The following ASCC3 variants were observed in gnomAD, a reference collection of about 807,000 sequenced individuals.
ASCC3 encodes ASC-1 complex subunit P200.
ASCC3 carries 158 observed loss-of-function variants against 256.3 expected under a neutral mutation model. The ratio of observed to expected loss-of-function variants is 0.62; its 90% confidence interval spans 0.54 to 0.70. The LOEUF (loss-of-function observed/expected upper bound fraction) is 0.70. ASCC3 is among the 30% of genes least tolerant of loss of function. ASCC3 has a pLI of 0.00. For missense variants in ASCC3, 2,259 were observed against 2,626.0 expected (o/e 0.86, Z 3.05); for synonymous variants, 948 against 883.4 (o/e 1.07, Z -1.30).
In ASCC3 at chr6:100,568,932, C is replaced by A. The variant is rs529633028; in HGVS notation, c.5550+20702G>T. On this transcript the variant is annotated intron_variant, in intron 36 of 41. Transcript: ENST00000369162. ...AACTGGGACTACGGGCACCCGCCAC[C>A]ATGCCCAGCTAATTTTTTTTGTGTT... Among the ~76,000 whole-genome samples, 5 of 151,954 alleles carry A rather than the reference C, an allele frequency of 3.3e-5. No individual in the cohort carries two copies. In the East Asian group the frequency reaches 9.7e-4, roughly 29 times the overall value.
intron 36 of ASCC3, among the ~76,000 whole-genome samples, chr6:100,564,176 A>G (rs1770110441): frequency 6.6e-6 from 1 of 151,846 alleles, no homozygotes; most frequent in Non-Finnish European, 1.5e-5. Flanking sequence ...ACGTGCATAC[A>G]ATGTAGAATG....
At chr6:100,782,401 T>G (rs987887599) in intron 8 of ASCC3, among the ~76,000 whole-genome samples, 29 of 152,172 alleles carry the variant, frequency 1.9e-4, no homozygotes, top group African/African-American at 7.0e-4. Flanking sequence ...AAAAAAAGTT[T>G]GAAATCCAAT....
At chr6:100,613,368 A>G (rs1773505409) in intron 30 of ASCC3, among the ~76,000 whole-genome samples, 1 of 151,964 alleles carries the variant, frequency 6.6e-6, no homozygotes, top group African/African-American at 2.4e-5. Flanking sequence ...TACATTTTTT[A>G]GCATCCACTT....
At chr6:100,738,878 A>T (rs1780300871) in intron 10 of ASCC3, among the ~76,000 whole-genome samples, 1 of 152,218 alleles carries the variant, frequency 6.6e-6, no homozygotes, top group Non-Finnish European at 1.5e-5. Flanking sequence ...GGATCATGTC[A>T]TGTGCAAACA....
Position 100,635,958 on chromosome 6 carries a change from T to A in ASCC3, c.4122+2643A>T, listed in dbSNP as rs117841802. Among the ~76,000 whole-genome samples, 844 of 152,282 alleles carry A rather than the reference T, an allele frequency of 5.5e-3. 9 individuals carry two copies. Among genetic ancestry groups the A allele is most frequent in the Non-Finnish European group, 8.4e-3 (569 of 68,002 alleles). On this transcript the variant is annotated intron_variant, in intron 25 of 41. Transcript: ENST00000369162. ...TGTTTAACTTTGCCTATGAAGTGGG[T>A]TTCTCACAGTGAAATTATCTATGAA...
chr6:100,855,259 G>A lies in ASCC3; in HGVS notation c.242-6552C>T, dbSNP rs141678646. On this transcript the variant is annotated intron_variant, in intron 3 of 41. Coordinates refer to ENST00000369162, the MANE Select transcript of ASCC3 (RefSeq NM_006828.4). ...CTCCCGAGTAGCTGGGACTACAGAC[G>A]TGCACTACCATGCCTGGCTAATTGT... 6.6e-3 allele frequency among the ~76,000 whole-genome samples: 1,004 copies of A among 152,110 alleles called. 6 individuals carry two copies. The highest frequency in any genetic ancestry group is 0.021 in the African/African-American group (889 of 41,510).
intron 10 of ASCC3, among the ~76,000 whole-genome samples, chr6:100,758,311 T>A (rs1045038832): frequency 6.6e-6 from 1 of 151,964 alleles, no homozygotes; most frequent in Admixed American, 6.5e-5. Flanking sequence ...TACACAGGTA[T>A]ATGTGTGCCA....
chr6:100,587,878 T>C (rs1249057786), intron 36 of ASCC3, among the ~76,000 whole-genome samples: 1 of 152,172 alleles, frequency 6.6e-6, no homozygotes, highest in Non-Finnish European at 1.5e-5. Flanking sequence ...TTAATTCCCC[T>C]GGGATTTTAA....
intron 8 of ASCC3, among the ~76,000 whole-genome samples, chr6:100,781,730 T>C (rs1359685678): frequency 6.6e-6 from 1 of 151,968 alleles, no homozygotes; most frequent in Non-Finnish European, 1.5e-5. Flanking sequence ...TTTCAAAACA[T>C]ACTTTTAATA....
At chr6:100,766,760 T>C in intron 9 of ASCC3, 55 bp from the exon 10 acceptor site, 1 of 1,603,530 alleles carries the variant, frequency 6.2e-7, no homozygotes, top group Admixed American at 1.7e-5. Flanking sequence ...ATGTCATTTG[T>C]CTTACAGTAG....
intron 37 of ASCC3, among the ~76,000 whole-genome samples, chr6:100,538,616 A>T (rs963394918): frequency 1.3e-5 from 2 of 152,140 alleles, no homozygotes; most frequent in African/African-American, 4.8e-5. Context: ...TTTGGTGGAC[A>T]CCATTCTGGA....
intron 13 of ASCC3, among the ~76,000 whole-genome samples, chr6:100,695,902 C>A (rs1778059002): frequency 6.6e-6 from 1 of 152,144 alleles, no homozygotes; most frequent in Admixed American, 6.5e-5. Context: ...TGTACCCTGA[C>A]CCAGGTGTCA....
intron 8 of ASCC3, among the ~76,000 whole-genome samples, chr6:100,773,928 T>TA (rs781321246): frequency 1.3e-5 from 2 of 152,202 alleles, no homozygotes; most frequent in Non-Finnish European, 2.9e-5. Flanking sequence ...CAACTTTCAG[T>TA]AAAAAACCTA....
intron 3 of ASCC3, chr6:100,858,271 T>G (rs1275172536): frequency 6.9e-5 from 38 of 547,102 alleles, no homozygotes; most frequent in Non-Finnish European, 8.6e-5. Flanking sequence ...GGTACAGTCA[T>G]GTGAAAAATG....
intron 36 of ASCC3, among the ~76,000 whole-genome samples, chr6:100,559,213 C>T (rs77365845): frequency 0.017 from 2,552 of 152,200 alleles, 60 homozygotes; most frequent in African/African-American, 0.058. Context: ...TTTGGCATTG[C>T]AATCAGAATG....
chr6:100,810,271 A>C (rs1484376152), intron 4 of ASCC3, among the ~76,000 whole-genome samples: 2 of 152,132 alleles, frequency 1.3e-5, no homozygotes, highest in Non-Finnish European at 2.9e-5. Context: ...TCCTCAGCAC[A>C]GTAACCTCTC....
At chr6:100,548,451 A>G (rs1418863279) in intron 36 of ASCC3, among the ~76,000 whole-genome samples, 2 of 151,972 alleles carry the variant, frequency 1.3e-5, no homozygotes, top group South Asian at 2.1e-4. Flanking sequence ...AATTTAGACT[A>G]TATTAATAGG....
intron 24 of ASCC3, among the ~76,000 whole-genome samples, chr6:100,639,742 T>G (rs1241688742): frequency 6.6e-6 from 1 of 152,200 alleles, no homozygotes; most frequent in African/African-American, 2.4e-5. Flanking sequence ...ACTGCTCTAT[T>G]CAGTTAATTA....
chr6:100,679,605 C>T lies in ASCC3; in HGVS notation c.2286+13G>A. ...TGTTACATGCTTTAGTTCTTGTCCT[C>T]TTTGTTTCTTACCTGTTTTTCTGCA... On this transcript the variant is annotated intron_variant, in intron 14 of 41. Coordinates refer to ENST00000369162, the MANE Select transcript of ASCC3 (RefSeq NM_006828.4). 6.2e-7 allele frequency: 1 copy of T among 1,613,302 alleles called. No homozygotes were observed. The highest frequency in any genetic ancestry group is 1.3e-5 in the African/African-American group (1 of 75,004).
Sources: allele counts gnomAD v4.1 joint callset (sites outside exome capture counted in the v4.1 genomes callset), GRCh38; gene constraint gnomAD v4.1.1; transcripts MANE v1.5; gene names NCBI Gene and HGNC (gene_info 2026-07-23, HGNC 2026-07-21).